SARDH: variants seen among roughly 807,000 people sequenced by gnomAD.
SARDH encodes the protein sarcosine dehydrogenase, also known as sarcosine dehydrogenase, mitochondrial.
A neutral mutation model predicts 109.1 loss-of-function variants in SARDH; 95 were observed. The ratio of observed to expected loss-of-function variants is 0.87; its 90% CI spans 0.74 to 1.03. The LOEUF is 1.03. Among genes scored for constraint, SARDH ranks in the 50% least tolerant of loss-of-function variants. The pLI is 0.00. For synonymous variants in SARDH, 572 were observed against 534.8 expected (o/e 1.07, Z -0.96); for missense variants, 1,267 against 1,287.8 (o/e 0.98, Z 0.25).
chr9:133,675,922 C>A (rs1313814960), intron 17 of SARDH, among the ~76,000 whole-genome samples: 11 of 152,016 alleles, frequency 7.2e-5, no homozygotes, highest in African/African-American at 2.4e-4. Flanking sequence ...GAGGCCCTGT[C>A]TCTACAAAAA....
Position 133,692,294 on chromosome 9 carries a change from C to T in SARDH, c.1922-1767G>A, listed in dbSNP as rs1019278345. On this transcript the variant is annotated intron_variant, in intron 15 of 20. Transcript: ENST00000439388. The surrounding 1 kb of genome is among the most constrained non-coding windows in gnomAD (Gnocchi z 5.0). ...TGGTGACCTGTGTCCTCATTTTGGCCCCTCTACTGTCTCCCTAGCTAGACT... is the reference window on the plus strand; with the variant it reads ...TGGTGACCTGTGTCCTCATTTTGGCTCCTCTACTGTCTCCCTAGCTAGACT... Among the ~76,000 whole-genome samples, 1 of 152,146 alleles carries T rather than the reference C, an allele frequency of 6.6e-6. No homozygotes were observed. The highest frequency in any genetic ancestry group is 1.5e-5 in the Non-Finnish European group (1 of 68,016).
intron 17 of SARDH, among the ~76,000 whole-genome samples, chr9:133,683,551 G>A (rs1830775321): frequency 6.6e-6 from 1 of 152,198 alleles, no homozygotes. Context: ...CTCTCTCTGA[G>A]TGCCCACCCT....
rs759149932 is a variant in SARDH at position 133,685,160 on chromosome 9, A to C, written c.2163+33T>G. ...CACCCCTCACACCATGCTGCCACCC[A>C]CGACCCAGAGGACGTGGCCAGCTGG... On this transcript the variant is annotated intron_variant, in intron 17 of 20. Coordinates refer to ENST00000439388, the MANE Select transcript of SARDH (RefSeq NM_001134707.2). The C allele has an allele frequency of 8.1e-6, 13 of 1,598,092 alleles. No homozygotes were observed. The South Asian group carries it at 1.4e-4, about 18-fold the overall frequency.
intron 10 of SARDH, among the ~76,000 whole-genome samples, chr9:133,710,650 A>AC (rs948874092): frequency 1.8e-4 from 28 of 152,200 alleles, no homozygotes; most frequent in Admixed American, 6.5e-5. Flanking sequence ...CGACTTTCTC[A>AC]GGCACCTCCT....
intron 8 of SARDH, among the ~76,000 whole-genome samples, chr9:133,714,940 G>A (rs1419812020): frequency 1.3e-5 from 2 of 152,214 alleles, no homozygotes; most frequent in East Asian, 3.9e-4. Flanking sequence ...TAGCGGAGGG[G>A]CAGCTGCAGG....
In SARDH at chr9:133,718,192, C is replaced by T. The variant is rs1832196807; in HGVS notation, c.1021-737G>A. ...GTTCAAGTGATTCTCCTGCCTCAGC[C>T]TCCCAAGTAGCTGGGATTACAGGTG... On this transcript the variant is annotated intron_variant, in intron 7 of 20. Transcript: ENST00000439388. The surrounding 1 kb of genome is among the most constrained non-coding windows in gnomAD (Gnocchi z 4.2). 1 of 155,374 alleles carries T rather than the reference C, an allele frequency of 6.4e-6. No homozygotes were observed. Among genetic ancestry groups the T allele is most frequent in the Non-Finnish European group, 1.4e-5 (1 of 70,160 alleles). The allele number at this position is 155,374 out of a possible 1,614,324, so 9.6% of individuals were successfully genotyped here. A position where few individuals can be genotyped will look rare whatever the true frequency, so the allele number is the denominator to read the frequency against.
Position 133,696,212 on chromosome 9 carries a change from AG to A in SARDH, c.1807+10del, listed in dbSNP as rs1417869286. The A allele has an allele frequency of 6.2e-7, 1 of 1,613,434 alleles. No homozygotes were observed. Among genetic ancestry groups the A allele is most frequent in the African/African-American group, 1.3e-5 (1 of 75,056 alleles). On this transcript the variant is annotated intron_variant, in intron 14 of 20. Transcript: ENST00000439388. ...TGACAGGAACATGCCCCCCAACCTC[AG>A]GCTCCATACCTGGGGGTCGGCTGAC...
Position 133,734,704 on chromosome 9 carries a change from C to T in SARDH, c.-30-501G>A, listed in dbSNP as rs143009598. Among the ~76,000 whole-genome samples, 1,375 of 152,236 alleles carry T rather than the reference C, an allele frequency of 9.0e-3. 13 individuals carry two copies. The highest frequency in any genetic ancestry group is 0.029 in the African/African-American group (1,209 of 41,532). Reference sequence around the variant, plus strand: ...AGGAAAGTGGGCTGCCCCGTGAGGCCGGGCAGGGAGGATGGGGAGGGGACT... The same window carrying T: ...AGGAAAGTGGGCTGCCCCGTGAGGCTGGGCAGGGAGGATGGGGAGGGGACT... On this transcript the variant is annotated intron_variant, in intron 1 of 20. Transcript: ENST00000439388.
chr9:133,719,179 A>C, intron 6 of SARDH, 137 bp from the exon 7 acceptor site: 1 of 666,904 alleles, frequency 1.5e-6, no homozygotes, highest in Non-Finnish European at 2.6e-6. Context: ...GACCCCGAGG[A>C]CAGAGTGGAC....
chr9:133,661,443 G>A (rs1832413588), downstream of SARDH, among the ~76,000 whole-genome samples: 2 of 151,758 alleles, frequency 1.3e-5, no homozygotes, highest in South Asian at 4.2e-4. Context: ...ACTGCACACT[G>A]TGGTATAGCG....
At position 133,709,281 on chromosome 9, in the gene SARDH, G is replaced by A. The variant is rs1367485123; in HGVS notation, c.1329-853C>T. Among the ~76,000 whole-genome samples, 1 of 152,168 alleles carries A rather than the reference G, an allele frequency of 6.6e-6. No individual in the cohort carries two copies. On this transcript the variant is annotated intron_variant, in intron 10 of 20. Coordinates refer to ENST00000439388, the MANE Select transcript of SARDH (RefSeq NM_001134707.2). This position sits in a 1 kb window ranked among gnomAD's most constrained non-coding sequence, Gnocchi z 4.2. Reference sequence around the variant, plus strand: ...CGGCCTAGGCCTCTGCTGCCCCTGAGTGGGCAGAGCAATCAGTGCCCCGCG... The same window carrying A: ...CGGCCTAGGCCTCTGCTGCCCCTGAATGGGCAGAGCAATCAGTGCCCCGCG...
At chr9:133,727,724 G>A (rs1015096651) in intron 6 of SARDH, among the ~76,000 whole-genome samples, 7 of 152,130 alleles carry the variant, frequency 4.6e-5, no homozygotes, top group Non-Finnish European at 8.8e-5. Context: ...CCTGTGCTCC[G>A]GTACCAGAGG....
rs376495727 is a variant in SARDH, at chr9:133,708,666, C to T, written c.1329-238G>A. Among the ~76,000 whole-genome samples the T allele has an allele frequency of 3.4e-3, 521 of 152,278 alleles. 6 individuals carry two copies. The South Asian group carries it at 0.062, about 18-fold the overall frequency. On this transcript the variant is annotated intron_variant, in intron 10 of 20. Transcript: ENST00000439388. The stretch of plus-strand genomic sequence containing the variant: ...GAGTGGGCGTTGTGGACAGAGGGCC[C>T]AGCTGAGGCTCTCATCCCCCACAGG...
chr9:133,708,539 T>G, intron 10 of SARDH, 111 bp from the exon 11 acceptor site: 1 of 1,381,698 alleles, frequency 7.2e-7, no homozygotes, highest in South Asian at 1.4e-5. Context: ...AGAGTCCCCT[T>G]TGTGGCTCAG....
chr9:133,709,988 C>T lies in SARDH; in HGVS notation c.1329-1560G>A, dbSNP rs1340466127. ...TGAGGTGCACGTCGGGTGGCAGGAG[C>T]AGCGAGTGACCTACAGAGTCCCAGC... On this transcript the variant is annotated intron_variant, in intron 10 of 20. Transcript: ENST00000439388. The surrounding 1 kb of genome is among the most constrained non-coding windows in gnomAD (Gnocchi z 4.2). Among the ~76,000 whole-genome samples, 1 of 152,186 alleles carries T rather than the reference C, an allele frequency of 6.6e-6. No homozygotes were observed. Among genetic ancestry groups the T allele is most frequent in the Non-Finnish European group, 1.5e-5 (1 of 68,040 alleles).
At position 133,670,962 on chromosome 9, in the gene SARDH, T is replaced by C. The variant is rs562968622; in HGVS notation, c.2327-210A>G. 2.0e-5 allele frequency among the ~76,000 whole-genome samples: 3 copies of C among 152,272 alleles called. No homozygotes were observed. The South Asian group carries it at 6.2e-4, about 32-fold the overall frequency. ...CCCCGAGCAGACTGCCCATCAGCAC[T>C]GCAGCCCTCTGCACCCTCAGGTGGG... On this transcript the variant is annotated intron_variant, in intron 18 of 20. Transcript: ENST00000439388.
upstream of SARDH, among the ~76,000 whole-genome samples, chr9:133,738,927 C>T (rs1285094246): frequency 6.6e-6 from 1 of 152,208 alleles, no homozygotes; most frequent in African/African-American, 2.4e-5. Flanking sequence ...GGGGAGATGC[C>T]CCCAAGCCAC....
intron 13 of SARDH, among the ~76,000 whole-genome samples, chr9:133,701,720 G>A (rs549655597): frequency 3.3e-5 from 5 of 152,286 alleles, no homozygotes; most frequent in South Asian, 2.1e-4. Context: ...CTGCTGCTGC[G>A]GCGCTTCATG....
In SARDH at chr9:133,718,686, CA is replaced by C; in HGVS notation, c.1020+251del. 1.3e-6 allele frequency: 1 copy of C among 779,668 alleles called. No individual in the cohort carries two copies. Among genetic ancestry groups the C allele is most frequent in the Non-Finnish European group, 2.4e-6 (1 of 417,994 alleles). The allele number at this position is 779,668 out of a possible 1,614,324, so 48.3% of individuals were successfully genotyped here. ...ATGCCCTTCTGAGGTCATCACTCCACACTGCGCAGACCTTCTCTGTGGATGT... is the reference window on the plus strand; with the variant it reads ...ATGCCCTTCTGAGGTCATCACTCCACCTGCGCAGACCTTCTCTGTGGATGT... On this transcript the variant is annotated intron_variant, in intron 7 of 20. Coordinates refer to ENST00000439388, the MANE Select transcript of SARDH (RefSeq NM_001134707.2). The surrounding 1 kb of genome is among the most constrained non-coding windows in gnomAD (Gnocchi z 4.2).
Sources: allele counts gnomAD v4.1 joint callset (sites outside exome capture counted in the v4.1 genomes callset), GRCh38; gene constraint gnomAD v4.1.1; non-coding constraint Gnocchi (gnomAD v3.1); transcripts MANE v1.5; gene names NCBI Gene and HGNC (gene_info 2026-07-23, HGNC 2026-07-21).